MACROD2: variants seen among roughly 807,000 people sequenced by gnomAD.
MACROD2 encodes the protein ADP-ribose glycohydrolase MACROD2.
In MACROD2, 36 loss-of-function variants were observed where a neutral mutation model predicts 70.4. That is an observed-to-expected ratio of 0.51 (90% CI 0.39 to 0.68). MACROD2 has a LOEUF of 0.68. Among genes scored for constraint, MACROD2 ranks in the 30% least tolerant of loss-of-function variants. The pLI is 0.00. For synonymous variants in MACROD2, 172 were observed against 178.8 expected (o/e 0.96, Z 0.30); for missense variants, 496 against 538.4 (o/e 0.92, Z 0.78).
intron 16 of MACROD2, among the ~76,000 whole-genome samples, 164 bp from the exon 17 acceptor site, chr20:16,044,407 T>TA (rs1737432957): frequency 2.0e-5 from 3 of 151,842 alleles, no homozygotes; most frequent in African/African-American, 7.3e-5. Context: ...CCCCCACCAG[T>TA]AAAAATCTAC....
At chr20:15,721,406 G>A (rs1404471948) in intron 8 of MACROD2, among the ~76,000 whole-genome samples, 1 of 152,126 alleles carries the variant, frequency 6.6e-6, no homozygotes, top group Non-Finnish European at 1.5e-5. Flanking sequence ...CCAAATTTCT[G>A]TGCACTTTTA....
chr20:14,046,975 A>G (rs1390024726), intron 2 of MACROD2, among the ~76,000 whole-genome samples: 1 of 152,148 alleles, frequency 6.6e-6, no homozygotes, highest in Non-Finnish European at 1.5e-5. Context: ...CTTGAACTAG[A>G]CATCATAATA....
At chr20:14,706,431 CA>C (rs2071271480) in intron 5 of MACROD2, among the ~76,000 whole-genome samples, 1 of 152,162 alleles carries the variant, frequency 6.6e-6, no homozygotes, top group South Asian at 2.1e-4. Context: ...CTGGTCTTCA[CA>C]CTCTGTGAGA....
chr20:14,307,967 C>G (rs1158667603), intron 3 of MACROD2, among the ~76,000 whole-genome samples: 3 of 152,042 alleles, frequency 2.0e-5, no homozygotes, highest in Non-Finnish European at 4.4e-5. Context: ...ACAATTTTGA[C>G]AATTAAGGCA....
chr20:14,859,271 GA>G (rs2073289375), intron 5 of MACROD2, among the ~76,000 whole-genome samples: 4 of 152,066 alleles, frequency 2.6e-5, no homozygotes. Flanking sequence ...CAAGCAAATA[GA>G]AAGCATTCTA....
At chr20:14,729,575 G>T (rs1345260625) in intron 5 of MACROD2, among the ~76,000 whole-genome samples, 1 of 151,966 alleles carries the variant, frequency 6.6e-6, no homozygotes, top group African/African-American at 2.4e-5. Context: ...AAGGTGAGGA[G>T]TGTTTGCAAC....
chr20:14,568,730 T>C (rs1335647611), intron 4 of MACROD2, among the ~76,000 whole-genome samples: 2 of 152,090 alleles, frequency 1.3e-5, no homozygotes, highest in Non-Finnish European at 2.9e-5. Context: ...TTAGTTCTTT[T>C]GGCATAGGGG....
At chr20:14,716,781 G>A (rs1027675977) in intron 5 of MACROD2, among the ~76,000 whole-genome samples, 10 of 152,192 alleles carry the variant, frequency 6.6e-5, no homozygotes, top group African/African-American at 2.4e-4. Flanking sequence ...GTGTGAGGCT[G>A]TCAGGAGGCA....
chr20:14,298,185 A>G (rs1430124259), intron 3 of MACROD2, among the ~76,000 whole-genome samples: 4 of 152,102 alleles, frequency 2.6e-5, no homozygotes, highest in African/African-American at 9.7e-5. Flanking sequence ...ATGTGCGAGA[A>G]GATTAATGCT....
intron 8 of MACROD2, among the ~76,000 whole-genome samples, chr20:15,681,651 C>T (rs1371190689): frequency 6.6e-6 from 1 of 152,142 alleles, no homozygotes; most frequent in Non-Finnish European, 1.5e-5. Flanking sequence ...CAGTAGTTTG[C>T]AGGTGTTATA....
chr20:15,638,984 G>A (rs143175480), intron 8 of MACROD2, among the ~76,000 whole-genome samples: 6 of 152,264 alleles, frequency 3.9e-5, no homozygotes, highest in African/African-American at 1.4e-4. Flanking sequence ...TTCCTAAAAG[G>A]CTCCCGATAA....
intron 8 of MACROD2, among the ~76,000 whole-genome samples, chr20:15,527,530 C>T (rs971371188): frequency 1.3e-5 from 2 of 152,072 alleles, no homozygotes; most frequent in Admixed American, 6.5e-5. Context: ...GAAGTCACAC[C>T]GCTCCCCAGA....
intron 5 of MACROD2, among the ~76,000 whole-genome samples, chr20:14,782,559 A>T (rs766188620): frequency 2.6e-5 from 4 of 152,086 alleles, no homozygotes; most frequent in Non-Finnish European, 5.9e-5. Context: ...GTCATATACC[A>T]TTGAATTGGA....
At chr20:15,006,615 T>A (rs1012575491) in intron 5 of MACROD2, among the ~76,000 whole-genome samples, 2 of 152,094 alleles carry the variant, frequency 1.3e-5, no homozygotes, top group Non-Finnish European at 1.5e-5. Flanking sequence ...ATATATATAT[T>A]TTTTATTTAT....
intron 5 of MACROD2, chr20:14,850,012 C>T: frequency 1.9e-6 from 1 of 517,150 alleles, no homozygotes; most frequent in Non-Finnish European, 3.9e-6. Flanking sequence ...AAGTATGTTT[C>T]TCTATTGTAT....
chr20:15,794,369 C>A (rs189448359), intron 8 of MACROD2, among the ~76,000 whole-genome samples: 3 of 152,236 alleles, frequency 2.0e-5, no homozygotes, highest in African/African-American at 7.2e-5. Context: ...CACATACAAA[C>A]AAATATGAAA....
At chr20:15,551,605 G>A (rs7264601) in intron 8 of MACROD2, among the ~76,000 whole-genome samples, 3,521 of 152,016 alleles carry the variant, frequency 0.023, 121 homozygotes, top group African/African-American at 0.08. Context: ...CAGGCTGGGC[G>A]CGGTGGCTCA....
intron 4 of MACROD2, among the ~76,000 whole-genome samples, chr20:14,519,805 A>G (rs966384782): frequency 2.0e-5 from 3 of 152,230 alleles, no homozygotes; most frequent in African/African-American, 7.2e-5. Flanking sequence ...GCAAAGACAT[A>G]GAATCAGCCT....
chr20:15,679,204 TC>T (rs1392404676), intron 8 of MACROD2, among the ~76,000 whole-genome samples: 2 of 141,142 alleles, frequency 1.4e-5, no homozygotes, highest in African/African-American at 2.7e-5. Flanking sequence ...GTCACTGCAC[TC>T]CAGCCTGGGT....
Sources: gnomAD v4.1 joint callset for allele counts (sites outside exome capture counted in the v4.1 genomes callset) on GRCh38, gnomAD v4.1.1 for gene constraint, MANE v1.5 for transcripts, NCBI Gene and HGNC (gene_info 2026-07-23, HGNC 2026-07-21) for gene names.